The following OIT3 variants were observed in gnomAD, a reference collection of about 807,000 sequenced individuals.
OIT3 encodes the protein oncoprotein-induced transcript 3 protein.
A neutral mutation model predicts 52.2 loss-of-function variants in OIT3; 41 were observed. That is an observed-to-expected ratio of 0.79 (90% confidence interval 0.61 to 1.02). The LOEUF (loss-of-function observed/expected upper bound fraction) is 1.02, where lower values mean the gene tolerates loss of function less well. Ranked by LOEUF, OIT3 falls within the 50% of genes least tolerant of loss-of-function variation. The pLI is 0.00. For synonymous variants in OIT3, 244 were observed against 276.9 expected, an observed-to-expected ratio of 0.88 and a Z score of 1.18; for missense variants, 634 against 715.5, an observed-to-expected ratio of 0.89 and a Z score of 1.30.
At chr10:72,924,199 C>T in intron 6 of OIT3, 30 bp from the exon 7 acceptor site, 1 of 1,541,890 alleles carries the variant, frequency 6.5e-7, no homozygotes, top group East Asian at 2.3e-5. Flanking sequence ...CAGACAATCT[C>T]TTTCCTCTCC....
chr10:72,916,577 AT>A (rs1265333797), intron 6 of OIT3, among the ~76,000 whole-genome samples: 1 of 152,170 alleles, frequency 6.6e-6, no homozygotes, highest in East Asian at 1.9e-4. Flanking sequence ...CCTATCATTG[AT>A]GGCATTTAGG....
At chr10:72,894,341 A>T (rs1416787648) in intron 1 of OIT3, among the ~76,000 whole-genome samples, 3 of 152,302 alleles carry the variant, frequency 2.0e-5, no homozygotes, top group Non-Finnish European at 4.4e-5. Flanking sequence ...TGAATCTTAA[A>T]TTGTCTCCCT....
In OIT3 at chr10:72,893,740, A is replaced by C; in HGVS notation, c.-59A>C. 1 of 1,451,854 alleles carries C rather than the reference A, an allele frequency of 6.9e-7. No homozygotes were observed. The highest frequency in any genetic ancestry group is 9.4e-7 in the Non-Finnish European group (1 of 1,058,962). 89.9% of individuals were successfully genotyped at this position (1,451,854 alleles called of 1,614,324 possible). A position where few individuals can be genotyped will look rare whatever the true frequency, so the allele number is the denominator to read the frequency against. On this transcript the variant is annotated 5_prime_UTR_variant, in exon 1 of 9. Coordinates refer to ENST00000334011, the MANE Select transcript of OIT3 (RefSeq NM_152635.3). ...AAAAAAGTGCTTGAAAGAGAAGGGG[A>C]CAAAGGAACACCAGTATTAAGAGGA...
chr10:72,895,358 C>G (rs938547927), intron 1 of OIT3, among the ~76,000 whole-genome samples: 1 of 152,172 alleles, frequency 6.6e-6, no homozygotes, highest in Admixed American at 6.5e-5. Context: ...CCCATTCTTT[C>G]CATATACCAT....
intron 6 of OIT3, among the ~76,000 whole-genome samples, chr10:72,921,583 T>A (rs1846121906): frequency 2.0e-5 from 3 of 152,234 alleles, no homozygotes. Context: ...CATTTGCTTG[T>A]CTGAAAAGGA....
intron 6 of OIT3, among the ~76,000 whole-genome samples, chr10:72,916,625 A>G (rs532764435): frequency 1.2e-4 from 18 of 152,360 alleles, no homozygotes; most frequent in African/African-American, 4.1e-4. Flanking sequence ...ATAGTGCTGC[A>G]GTAAACATAC....
chr10:72,898,853 C>T lies in OIT3; in HGVS notation c.251C>T (p.Ala84Val). Residue 84 changes from alanine (A) to valine (V), a missense_variant, in exon 2 of 9, where the codon GCA becomes GTA. Transcript: ENST00000334011. ...CIPENHCGTH[A>V]PVWLNGSHPL... ...CCAGAAAACCACTGTGGAACCCACGCACCTGTCTGGCTCAATGGCAGCCAC... is the reference window on the plus strand; with the variant it reads ...CCAGAAAACCACTGTGGAACCCACGTACCTGTCTGGCTCAATGGCAGCCAC... The T allele has an allele frequency of 5.0e-6, 8 of 1,614,190 alleles. No individual in the cohort carries two copies. Among genetic ancestry groups the T allele is most frequent in the Non-Finnish European group, 6.8e-6 (8 of 1,180,022 alleles).
chr10:72,902,248 T>C (rs953711450), intron 3 of OIT3, among the ~76,000 whole-genome samples: 1 of 152,152 alleles, frequency 6.6e-6, no homozygotes, highest in Non-Finnish European at 1.5e-5. Flanking sequence ...CCCACCCTCA[T>C]GTATTTCTGT....
chr10:72,911,681 C>T (rs776244514), intron 4 of OIT3, 36 bp from the exon 5 acceptor site: 16 of 1,601,756 alleles, frequency 1.0e-5, no homozygotes, highest in South Asian at 2.2e-5. Context: ...TAGAGGGTTA[C>T]GAGATTATTC....
chr10:72,904,056 C>T (rs993085057), intron 3 of OIT3, among the ~76,000 whole-genome samples: 3 of 152,150 alleles, frequency 2.0e-5, no homozygotes, highest in Admixed American at 6.6e-5. Context: ...CTGACCTAAC[C>T]GGTTATGTTA....
At chr10:72,906,784 G>A in intron 4 of OIT3, 66 bp downstream of exon 4, 3 of 1,462,064 alleles carry the variant, frequency 2.1e-6, no homozygotes, top group Non-Finnish European at 2.7e-6. Context: ...ATTCTCTGAT[G>A]TTCAGGAAAC....
intron 6 of OIT3, among the ~76,000 whole-genome samples, chr10:72,914,879 T>A (rs1041053836): frequency 1.2e-4 from 18 of 152,114 alleles, no homozygotes; most frequent in Middle Eastern, 3.4e-3. Flanking sequence ...TTTTTTTTTT[T>A]AAATTTTGAG....
chr10:72,904,007 C>T (rs916614484), intron 3 of OIT3, among the ~76,000 whole-genome samples: 8 of 152,260 alleles, frequency 5.3e-5, no homozygotes, highest in African/African-American at 1.4e-4. Context: ...GCAGACAGCC[C>T]GGCGCCACAC....
intron 6 of OIT3, among the ~76,000 whole-genome samples, chr10:72,914,437 T>G (rs1408615105): frequency 6.6e-6 from 1 of 152,150 alleles, no homozygotes; most frequent in African/African-American, 2.4e-5. Context: ...GAATATTTAT[T>G]TATGACTCTA....
intron 4 of OIT3, among the ~76,000 whole-genome samples, chr10:72,907,981 G>A (rs1845995004): frequency 6.6e-6 from 1 of 152,202 alleles, no homozygotes; most frequent in East Asian, 1.9e-4. Context: ...AGTGGCTTAC[G>A]CCTGTAATCC....
chr10:72,905,521 C>T (rs1845971231), intron 3 of OIT3, among the ~76,000 whole-genome samples: 2 of 152,096 alleles, frequency 1.3e-5, no homozygotes, highest in Non-Finnish European at 1.5e-5. Context: ...ATCCAAACCA[C>T]AGCACCTGGT....
At chr10:72,920,494 G>T (rs894911626) in intron 6 of OIT3, among the ~76,000 whole-genome samples, 3 of 152,002 alleles carry the variant, frequency 2.0e-5, no homozygotes, top group African/African-American at 4.8e-5. Flanking sequence ...GTTTGCTCTT[G>T]GTTCTCTAGT....
At position 72,924,320 on chromosome 10, in the gene OIT3, G is replaced by C. The variant is rs1846148378; in HGVS notation, c.1043G>C (p.Ser348Thr). 1 of 1,614,002 alleles carries C rather than the reference G, an allele frequency of 6.2e-7. No individual in the cohort carries two copies. The highest frequency in any genetic ancestry group is 8.5e-7 in the Non-Finnish European group (1 of 1,180,020). ...AGCGGGGACTTCATCATCCGAACCA[G>C]CAAGCTGCTGATCCCGGTGACCTGC... ...GSSGDFIIRT[S>T]KLLIPVTCEF... The change falls in exon 7 of 9, where the codon AGC becomes ACC. Residue 348 changes from serine to threonine, a missense_variant. Transcript: ENST00000334011.
chr10:72,893,881 T>A (rs1331587565), intron 1 of OIT3, 22 bp downstream of exon 1: 1 of 1,591,888 alleles, frequency 6.3e-7, no homozygotes, highest in Non-Finnish European at 8.6e-7. Context: ...GTCAAGAACT[T>A]GGCACAATGC....
Sources: allele counts gnomAD v4.1 joint callset (sites outside exome capture counted in the v4.1 genomes callset), GRCh38; gene constraint gnomAD v4.1.1; transcripts MANE v1.5; gene names NCBI Gene and HGNC (gene_info 2026-07-23, HGNC 2026-07-21).